MBD5: variants seen among roughly 807,000 people sequenced by gnomAD.
MBD5 encodes the protein methyl-CpG binding domain protein 5, also known as methyl-CpG-binding domain protein 5.
Under a neutral mutation model 117.3 loss-of-function variants are expected in MBD5, and 13 were observed. The observed-to-expected ratio is 0.11, with a 90% CI of 0.07 to 0.18. MBD5 has a LOEUF of 0.18. Ranked by LOEUF, MBD5 falls within the 10% of genes least tolerant of loss-of-function variation. The probability of loss-of-function intolerance (pLI) is 1.00; values close to 1 mark genes in which losing one functional copy is unlikely to be tolerated. For synonymous variants in MBD5, 727 were observed against 766.4 expected, an observed-to-expected ratio of 0.95 and a Z score of 0.85; for missense variants, 1,879 against 2,093.8, an observed-to-expected ratio of 0.90 and a Z score of 2.00.
chr2:148,062,601 A>G (rs1695069573), intron 1 of MBD5: 1 of 152,020 alleles, frequency 6.6e-6, no homozygotes, highest in Non-Finnish European at 1.5e-5. Context: ...ATGTGTGATT[A>G]CTGTTACAGG....
intron 4 of MBD5, among the ~76,000 whole-genome samples, chr2:148,448,241 G>T (rs924955159): frequency 6.6e-6 from 1 of 151,992 alleles, no homozygotes; most frequent in African/African-American, 2.4e-5. Context: ...TGCTCTTTGG[G>T]CTCCCTTTTC....
intron 2 of MBD5, among the ~76,000 whole-genome samples, chr2:148,231,877 T>C (rs925318274): frequency 1.3e-5 from 2 of 152,122 alleles, no homozygotes; most frequent in Non-Finnish European, 2.9e-5. Flanking sequence ...GAATTATAAA[T>C]ACTGTGAATG....
intron 11 of MBD5, among the ~76,000 whole-genome samples, chr2:148,499,511 TCTCA>T (rs1419428591): frequency 3.3e-5 from 5 of 152,154 alleles, no homozygotes; most frequent in African/African-American, 9.7e-5. Context: ...TCTCCTAAAT[TCTCA>T]CTAAGATAGA....
At chr2:148,392,556 T>A (rs1297546239) in intron 4 of MBD5, among the ~76,000 whole-genome samples, 1 of 152,210 alleles carries the variant, frequency 6.6e-6, no homozygotes, top group African/African-American at 2.4e-5. Context: ...GGTACAAGCT[T>A]TGTTCCCTGG....
intron 1 of MBD5, among the ~76,000 whole-genome samples, chr2:148,142,414 A>G (rs967317557): frequency 2.0e-5 from 3 of 152,210 alleles, no homozygotes; most frequent in African/African-American, 7.2e-5. Flanking sequence ...CTTCTCAAAT[A>G]ATTTAAATTA....
rs1009852048 is a variant in MBD5, at chr2:148,504,426, A to T, written c.5036+1917A>T. Among the ~76,000 whole-genome samples the T allele has an allele frequency of 3.3e-5, 5 of 152,326 alleles. No homozygotes were observed. In the Middle Eastern group the frequency reaches 0.017, roughly 518 times the overall value. ...CAGATGCGGACACTCAGACTCAAACACTTTAAATAATTAGTTGAAAGTCCC... is the reference window on the plus strand; with the variant it reads ...CAGATGCGGACACTCAGACTCAAACTCTTTAAATAATTAGTTGAAAGTCCC... On this transcript the variant is annotated intron_variant, in intron 12 of 13. Coordinates refer to ENST00000642680, the MANE Select transcript of MBD5 (RefSeq NM_001378120.1).
intron 3 of MBD5, among the ~76,000 whole-genome samples, chr2:148,240,825 A>G (rs1018168578): frequency 6.6e-6 from 1 of 152,160 alleles, no homozygotes; most frequent in East Asian, 1.9e-4. Flanking sequence ...TCATTTTGAT[A>G]CTATACTTTT....
chr2:148,096,338 AG>A (rs1479797829), intron 1 of MBD5, among the ~76,000 whole-genome samples: 1 of 152,158 alleles, frequency 6.6e-6, no homozygotes, highest in African/African-American at 2.4e-5. Context: ...ACTGGCATCT[AG>A]TGGATACAGG....
chr2:148,364,468 T>C (rs1417663789), intron 4 of MBD5, among the ~76,000 whole-genome samples: 1 of 152,210 alleles, frequency 6.6e-6, no homozygotes, highest in Non-Finnish European at 1.5e-5. Context: ...AGCATCATAA[T>C]GACAGGATCA....
intron 2 of MBD5, chr2:148,196,280 A>G (rs568108763): frequency 6.6e-6 from 1 of 152,154 alleles, no homozygotes; most frequent in African/African-American, 2.4e-5. Flanking sequence ...TTAAATTTCC[A>G]TGGATGTTAG....
intron 10 of MBD5, among the ~76,000 whole-genome samples, chr2:148,489,093 C>T (rs1681431234): frequency 6.6e-6 from 1 of 152,110 alleles, no homozygotes; most frequent in African/African-American, 2.4e-5. Context: ...AACCTGAGTA[C>T]GTTTTCTGTC....
At chr2:148,247,960 G>C (rs565329737) in intron 3 of MBD5, among the ~76,000 whole-genome samples, 60 of 152,168 alleles carry the variant, frequency 3.9e-4, no homozygotes, top group African/African-American at 1.4e-3. Context: ...GCTATGAACT[G>C]GAAAGATGGC....
At chr2:148,457,849 A>G (rs1706933094) in intron 4 of MBD5, among the ~76,000 whole-genome samples, 1 of 152,172 alleles carries the variant, frequency 6.6e-6, no homozygotes, top group African/African-American at 2.4e-5. Context: ...TTAACACACA[A>G]CTGTGTAGTT....
At chr2:148,023,057 C>G (rs1437767752) in intron 1 of MBD5, among the ~76,000 whole-genome samples, 2 of 150,676 alleles carry the variant, frequency 1.3e-5, no homozygotes, top group African/African-American at 2.4e-5. Flanking sequence ...TACACACACT[C>G]TCTTTCGCTC....
intron 3 of MBD5, among the ~76,000 whole-genome samples, chr2:148,243,460 A>T (rs17274896): frequency 6.6e-6 from 1 of 151,838 alleles, no homozygotes; most frequent in Non-Finnish European, 1.5e-5. Flanking sequence ...AAGCAAACAA[A>T]CCTGTTTACG....
chr2:148,094,852 G>A (rs1409348719), intron 1 of MBD5, among the ~76,000 whole-genome samples: 1 of 152,086 alleles, frequency 6.6e-6, no homozygotes, highest in Non-Finnish European at 1.5e-5. Flanking sequence ...TATAGAATCT[G>A]CTGCTCAGAG....
At chr2:148,162,448 T>G (rs1698028514) in intron 1 of MBD5, among the ~76,000 whole-genome samples, 1 of 152,250 alleles carries the variant, frequency 6.6e-6, no homozygotes, top group South Asian at 2.1e-4. Context: ...TAATTTATTT[T>G]ACACTGTCAT....
chr2:148,486,082 T>C, intron 10 of MBD5, 132 bp downstream of exon 10: 1 of 831,024 alleles, frequency 1.2e-6, no homozygotes, highest in South Asian at 1.5e-5. Flanking sequence ...TTCTCAGTCA[T>C]GAGTATTGTT....
At chr2:148,444,971 T>C (rs1023542626) in intron 4 of MBD5, among the ~76,000 whole-genome samples, 3 of 151,086 alleles carry the variant, frequency 2.0e-5, no homozygotes, top group African/African-American at 7.4e-5. Flanking sequence ...GATTATATAA[T>C]ATAAATGCCA....
Sources: gnomAD v4.1 joint callset for allele counts (sites outside exome capture counted in the v4.1 genomes callset) on GRCh38, gnomAD v4.1.1 for gene constraint, MANE v1.5 for transcripts, NCBI Gene and HGNC (gene_info 2026-07-23, HGNC 2026-07-21) for gene names.